Variants in PIEZO2 observed in about 807,000 individuals in gnomAD.
The protein encoded by PIEZO2 is piezo type mechanosensitive ion channel component 2.
Under a neutral mutation model 337.3 loss-of-function variants are expected in PIEZO2, and 172 were observed. That is an observed-to-expected ratio of 0.51 (90% CI 0.45 to 0.58). PIEZO2 has a LOEUF of 0.58. PIEZO2 is among the 20% of genes least tolerant of loss of function. The pLI, the probability that PIEZO2 is intolerant of heterozygous loss-of-function variation, is 0.00. For synonymous variants in PIEZO2, 1,251 were observed against 1,228.5 expected (o/e 1.02, Z -0.38); for missense variants, 3,028 against 3,391.3 (o/e 0.89, Z 2.66).
intron 3 of PIEZO2, among the ~76,000 whole-genome samples, chr18:10,950,564 A>G (rs2033245722): frequency 6.6e-6 from 1 of 152,224 alleles, no homozygotes; most frequent in African/African-American, 2.4e-5. Context: ...CGAGAAAAGT[A>G]AGTTATTGTA....
intron 14 of PIEZO2, among the ~76,000 whole-genome samples, chr18:10,789,695 A>T (rs2039346879): frequency 1.3e-5 from 2 of 152,248 alleles, no homozygotes; most frequent in Non-Finnish European, 1.5e-5. Context: ...AATCTAAATG[A>T]CTATATCAAT....
chr18:10,921,706 G>A (rs62083578), intron 3 of PIEZO2, among the ~76,000 whole-genome samples: 1,947 of 152,172 alleles, frequency 0.013, 27 homozygotes, highest in African/African-American at 0.032. Flanking sequence ...CTGGTGAGCC[G>A]GGCGGAAAAG....
chr18:10,814,492 GA>G (rs2040302602), intron 7 of PIEZO2, among the ~76,000 whole-genome samples: 1 of 152,248 alleles, frequency 6.6e-6, no homozygotes, highest in East Asian at 1.9e-4. Context: ...ATGGTAACGG[GA>G]AGTAGCCACA....
At chr18:10,994,273 T>C (rs566118961) in intron 2 of PIEZO2, among the ~76,000 whole-genome samples, 6 of 152,354 alleles carry the variant, frequency 3.9e-5, no homozygotes, top group African/African-American at 1.2e-4. Context: ...ATTTTTGCAA[T>C]TGCAAATTGT....
intron 5 of PIEZO2, among the ~76,000 whole-genome samples, chr18:10,868,419 A>G (rs1403129187): frequency 6.6e-6 from 1 of 152,326 alleles, no homozygotes; most frequent in East Asian, 1.9e-4. Flanking sequence ...GTCACATGGA[A>G]GCAATTTTTC....
intron 34 of PIEZO2, among the ~76,000 whole-genome samples, chr18:10,736,127 T>G (rs959575571): frequency 3.3e-5 from 5 of 152,228 alleles, no homozygotes; most frequent in Admixed American, 6.5e-5. Context: ...GTTCAATATA[T>G]TCTCAAATCT....
intron 1 of PIEZO2, among the ~76,000 whole-genome samples, chr18:11,072,394 T>C (rs2038374202): frequency 6.6e-6 from 1 of 152,188 alleles, no homozygotes; most frequent in Non-Finnish European, 1.5e-5. Context: ...CATTTCTCTT[T>C]TTTTTAGCCT....
At chr18:11,123,735 G>A (rs557187578) in intron 1 of PIEZO2, among the ~76,000 whole-genome samples, 12 of 152,182 alleles carry the variant, frequency 7.9e-5, no homozygotes, top group Non-Finnish European at 1.5e-4. Context: ...GCGTGAACCC[G>A]GGAGGCGGAG....
chr18:11,014,751 C>A (rs1324249158), intron 2 of PIEZO2, among the ~76,000 whole-genome samples: 2 of 128,864 alleles, frequency 1.6e-5, no homozygotes, highest in Admixed American at 1.6e-4. Context: ...CTGTGTGGGA[C>A]AGCAATCCGG....
intron 1 of PIEZO2, among the ~76,000 whole-genome samples, chr18:11,095,896 G>A (rs887764284): frequency 6.6e-6 from 1 of 152,196 alleles, no homozygotes; most frequent in African/African-American, 2.4e-5. Context: ...CAGCTGTTGA[G>A]TAAGGCCTTA....
chr18:10,704,150 A>C, intron 42 of PIEZO2: 1 of 538,722 alleles, frequency 1.9e-6, no homozygotes, highest in Non-Finnish European at 3.3e-6. Context: ...TTAAATGGGA[A>C]TGATGCCAGT....
At chr18:11,074,163 C>G (rs535776544) in intron 1 of PIEZO2, among the ~76,000 whole-genome samples, 1 of 152,202 alleles carries the variant, frequency 6.6e-6, no homozygotes, top group African/African-American at 2.4e-5. Flanking sequence ...GCTTCTTTAT[C>G]AAGTGTGATA....
At chr18:10,932,491 G>T (rs2032152146) in intron 3 of PIEZO2, among the ~76,000 whole-genome samples, 1 of 152,200 alleles carries the variant, frequency 6.6e-6, no homozygotes, top group Non-Finnish European at 1.5e-5. Context: ...AATCTAAGCA[G>T]CATATCAGTC....
At position 10,676,916 on chromosome 18, in the gene PIEZO2, C is replaced by T. The variant is rs150463349; in HGVS notation, c.8081+831G>A. On this transcript the variant is annotated intron_variant, in intron 53 of 55. Coordinates refer to ENST00000674853, the MANE Select transcript of PIEZO2 (RefSeq NM_001378183.1). The surrounding 1 kb of genome is among the most constrained non-coding windows in gnomAD (Gnocchi z 5.1). ...GGAGGCACCAATAGCCCAGTACCCC[C>T]GGGGGCAGGGCAGGGAGAATGCGAT... 8.2e-4 allele frequency among the ~76,000 whole-genome samples: 125 copies of T among 152,270 alleles called. No individual in the cohort carries two copies. Among genetic ancestry groups the T allele is most frequent in the African/African-American group, 2.3e-3 (96 of 41,568 alleles).
Position 10,899,309 on chromosome 18 carries a change from A to G in PIEZO2, c.329+11877T>C, listed in dbSNP as rs1162307700. On this transcript the variant is annotated intron_variant, in intron 4 of 55. Transcript: ENST00000674853. The surrounding 1 kb of genome is among the most constrained non-coding windows in gnomAD (Gnocchi z 4.6). Reference sequence around the variant, plus strand: ...AAGGTGTGTTTGTGTGTGTGTGTGTAGAGGTATATCAGGAAAATGAAGAAT... The same window carrying G: ...AAGGTGTGTTTGTGTGTGTGTGTGTGGAGGTATATCAGGAAAATGAAGAAT... 6.6e-6 allele frequency among the ~76,000 whole-genome samples: 1 copy of G among 152,152 alleles called. No individual in the cohort carries two copies. Among genetic ancestry groups the G allele is most frequent in the Non-Finnish European group, 1.5e-5 (1 of 68,012 alleles).
intron 1 of PIEZO2, among the ~76,000 whole-genome samples, chr18:11,098,244 TACACACACAC>T (rs150739388): frequency 1.4e-4 from 21 of 145,742 alleles, no homozygotes; most frequent in African/African-American, 4.5e-4. Context: ...AGAAGCAAGA[TACACACACAC>T]ACACACACAC....
intron 2 of PIEZO2, among the ~76,000 whole-genome samples, chr18:11,004,506 A>G (rs956829060): frequency 5.9e-5 from 9 of 152,228 alleles, no homozygotes; most frequent in Non-Finnish European, 1.0e-4. Context: ...CATGAAAAGT[A>G]TGGTTTAATG....
chr18:10,834,626 A>G lies in PIEZO2; in HGVS notation c.917+20727T>C, dbSNP rs2040949546. Among the ~76,000 whole-genome samples the G allele has an allele frequency of 6.6e-6, 1 of 152,156 alleles. No homozygotes were observed. The highest frequency in any genetic ancestry group is 6.5e-5 in the Admixed American group (1 of 15,280). ...TAACACCTCTCTGATTTCATGAGGT[A>G]GGTATCATGTAAGCAACTGTAGGAA... On this transcript the variant is annotated intron_variant, in intron 7 of 55. Transcript: ENST00000674853. The surrounding 1 kb of genome is among the most constrained non-coding windows in gnomAD (Gnocchi z 4.5).
Position 10,953,315 on chromosome 18 carries a change from C to G in PIEZO2, c.286+26220G>C, listed in dbSNP as rs75924782. ...ATGTTGTATTTAAGAAAACTTTGCC[C>G]TTCCCTAACCCAAGATTACAAACAT... On this transcript the variant is annotated intron_variant, in intron 3 of 55. Coordinates refer to ENST00000674853, the MANE Select transcript of PIEZO2 (RefSeq NM_001378183.1). The surrounding 1 kb of genome is among the most constrained non-coding windows in gnomAD (Gnocchi z 5.2). 9.5e-3 allele frequency among the ~76,000 whole-genome samples: 1,447 copies of G among 152,138 alleles called. 24 individuals carry two copies. Among genetic ancestry groups the G allele is most frequent in the African/African-American group, 0.032 (1,343 of 41,508 alleles).
Sources: gnomAD v4.1 joint callset for allele counts (sites outside exome capture counted in the v4.1 genomes callset) on GRCh38, gnomAD v4.1.1 for gene constraint, Gnocchi (gnomAD v3.1) non-coding constraint, MANE v1.5 for transcripts, NCBI Gene and HGNC (gene_info 2026-07-23, HGNC 2026-07-21) for gene names.